The following EPHA5 variants were observed in gnomAD, a reference collection of about 807,000 sequenced individuals.
The protein encoded by EPHA5 is ephrin type-A receptor 5.
Under a neutral mutation model 105.0 loss-of-function variants are expected in EPHA5, and 60 were observed. The ratio of observed to expected loss-of-function variants is 0.57; its 90% CI spans 0.46 to 0.71. The LOEUF (loss-of-function observed/expected upper bound fraction) is 0.71. EPHA5 is among the 30% of genes least tolerant of loss of function. The pLI is 0.00. For missense variants in EPHA5, 1,218 were observed against 1,274.7 expected, an observed-to-expected ratio of 0.96 and a Z score of 0.68; for synonymous variants, 513 against 449.1, an observed-to-expected ratio of 1.14 and a Z score of -1.80.
chr4:65,506,381 G>A (rs2149251081), intron 3 of EPHA5, among the ~76,000 whole-genome samples: 1 of 146,368 alleles, frequency 6.8e-6, no homozygotes, highest in African/African-American at 2.5e-5. Context: ...GGGATGGCTG[G>A]GTCAAATGGT....
Position 65,365,137 on chromosome 4 carries a change from T to C in EPHA5, c.2053A>G (p.Ile685Val). ...LPGKRELPVAIKTLKVGYTEK... is the reference protein window; with the variant it reads ...LPGKRELPVAVKTLKVGYTEK... ...GTATAGCCTACTTTAAGGGTTTTGATAGCCACAGGTAATTCTCTTTTTCCT... is the reference window on the plus strand; with the variant it reads ...GTATAGCCTACTTTAAGGGTTTTGACAGCCACAGGTAATTCTCTTTTTCCT... Residue 685 changes from isoleucine to valine, a missense_variant, in exon 11 of 17, where the codon ATC becomes GTC. Physicochemically the swap from Ile to Val is conservative, Grantham distance 29. Around this residue, in one of 3 missense-constraint regions of EPHA5, gnomAD observed 971 missense variants for 1,013.5 expected, o/e 0.96. Coordinates refer to ENST00000613740, the MANE Select transcript of EPHA5 (RefSeq NM_001281766.3). 6.2e-7 allele frequency: 1 copy of C among 1,611,714 alleles called. No individual in the cohort carries two copies. The highest frequency in any genetic ancestry group is 8.5e-7 in the Non-Finnish European group (1 of 1,178,406).
chr4:65,464,817 G>GT (rs1173982619), intron 5 of EPHA5, among the ~76,000 whole-genome samples: 1 of 151,794 alleles, frequency 6.6e-6, no homozygotes, highest in Non-Finnish European at 1.5e-5. Flanking sequence ...AGATACTGAA[G>GT]TTTTTTCTCA....
rs79078030 is a variant in EPHA5 at position 65,489,760 on chromosome 4, T to A, written c.1402+617A>T. ...GCTCAGACACGACTGTATTCCCTAC[T>A]CCCTAATAATTACTTATTAATTCCA... On this transcript the variant is annotated intron_variant, in intron 5 of 16. Transcript: ENST00000613740. Among the ~76,000 whole-genome samples the A allele has an allele frequency of 2.0e-3, 305 of 152,312 alleles. 9 individuals carry two copies. In the East Asian group the frequency reaches 0.052, roughly 26 times the overall value.
intron 3 of EPHA5, among the ~76,000 whole-genome samples, chr4:65,500,314 A>AC (rs1363327335): frequency 2.6e-5 from 4 of 151,314 alleles, no homozygotes; most frequent in African/African-American, 9.7e-5. Flanking sequence ...GTTTCATGAG[A>AC]CTATTGTGAC....
In EPHA5 at chr4:65,424,039, T is replaced by G. The variant is rs113649311; in HGVS notation, c.1403-3474A>C. Among the ~76,000 whole-genome samples the G allele has an allele frequency of 1.4e-3, 212 of 152,126 alleles. 1 individual carries two copies. The highest frequency in any genetic ancestry group is 4.8e-3 in the African/African-American group (200 of 41,558). On this transcript the variant is annotated intron_variant, in intron 5 of 16. Coordinates refer to ENST00000613740, the MANE Select transcript of EPHA5 (RefSeq NM_001281766.3). ...ATAATTCTAGCTTTCACACCTTACT[T>G]ATCTGTAACCTCCCACTCTAATGGT...
In EPHA5 at chr4:65,336,091, G is replaced by C. The variant is rs1440672901; in HGVS notation, c.2630C>G (p.Pro877Arg). 3 of 1,611,976 alleles carry C rather than the reference G, an allele frequency of 1.9e-6. No homozygotes were observed. Among genetic ancestry groups the C allele is most frequent in the Non-Finnish European group, 2.5e-6 (3 of 1,178,930 alleles). The change falls in exon 15 of 17, where the codon CCA (proline) becomes CGA (arginine). Residue 877 changes from proline to arginine, a missense_variant. Physicochemically the swap from Pro to Arg is moderately radical, Grantham distance 103. Transcript: ENST00000613740. ...IKAVEEGYRL[P>R]SPMDCPAALY... is the part of the protein sequence containing the mutation. ...AGCAGCAGGACAATCCATGGGGCTT[G>C]GCAGACGATAGCCTTCCTCTACCGC...
At chr4:65,444,283 T>G (rs923014025) in intron 5 of EPHA5, among the ~76,000 whole-genome samples, 1 of 152,192 alleles carries the variant, frequency 6.6e-6, no homozygotes, top group Non-Finnish European at 1.5e-5. Context: ...CTTAAGTTGT[T>G]ATAAAGATTA....
At chr4:65,491,233 C>G (rs1048531105) in intron 4 of EPHA5, among the ~76,000 whole-genome samples, 1 of 149,740 alleles carries the variant, frequency 6.7e-6, no homozygotes, top group East Asian at 1.9e-4. Flanking sequence ...TATCTAGTTG[C>G]TAAATCACCA....
At chr4:65,547,487 T>G (rs574037694) in intron 3 of EPHA5, among the ~76,000 whole-genome samples, 1 of 152,008 alleles carries the variant, frequency 6.6e-6, no homozygotes, top group East Asian at 1.9e-4. Flanking sequence ...ATCCATGCAT[T>G]TTTATTTTTT....
chr4:65,448,258 C>T (rs1244340577), intron 5 of EPHA5, among the ~76,000 whole-genome samples: 3 of 147,284 alleles, frequency 2.0e-5, no homozygotes, highest in South Asian at 2.1e-4. Flanking sequence ...ATAGTCAAAA[C>T]AAGTAAAAAA....
At chr4:65,393,706 G>A (rs1720943477) in intron 8 of EPHA5, among the ~76,000 whole-genome samples, 1 of 152,118 alleles carries the variant, frequency 6.6e-6, no homozygotes, top group South Asian at 2.1e-4. Context: ...TAGACTTAAT[G>A]TTTTAATATC....
intron 13 of EPHA5, among the ~76,000 whole-genome samples, chr4:65,348,970 C>G (rs1287605713): frequency 2.0e-5 from 3 of 150,890 alleles, no homozygotes; most frequent in East Asian, 3.9e-4. Context: ...TGTGCGCTAT[C>G]ATGCCTGGCT....
chr4:65,326,403 AT>A (rs993696559), intron 16 of EPHA5, among the ~76,000 whole-genome samples: 1 of 151,296 alleles, frequency 6.6e-6, no homozygotes, highest in African/African-American at 2.4e-5. Flanking sequence ...TAAAATGAGA[AT>A]CCTGTAAATG....
intron 3 of EPHA5, among the ~76,000 whole-genome samples, chr4:65,548,523 T>C (rs570017965): frequency 6.6e-6 from 1 of 152,148 alleles, no homozygotes; most frequent in South Asian, 2.1e-4. Flanking sequence ...AATAAAGTAA[T>C]GGCTGAGAAA....
chr4:65,472,182 C>A (rs945309275), intron 5 of EPHA5, among the ~76,000 whole-genome samples: 32 of 152,260 alleles, frequency 2.1e-4, no homozygotes, highest in African/African-American at 4.3e-4. Context: ...TCCAGCAGGG[C>A]AGTCATCAAA....
rs1277529756 is a variant in EPHA5, at chr4:65,601,865, T to G, written c.686A>C (p.Tyr229Ser). Residue 229 changes from tyrosine to serine, a missense_variant, in exon 3 of 17, where the codon TAC (tyrosine) becomes TCC (serine). By Grantham distance (144) the Tyr-to-Ser change is moderately radical (BLOSUM62 -2). This residue lies in a region of EPHA5 where 971 missense variants were observed against 1,013.5 expected (regional missense o/e 0.96). Coordinates refer to ENST00000613740, the MANE Select transcript of EPHA5 (RefSeq NM_001281766.3). ...TACCACAGAAGGGCATTTTTTATAG[T>G]ATACACGCACAGAAACCAGAGCAAT... ...ACIALVSVRV[Y>S]YKKCPSVVRH... 1 of 1,614,116 alleles carries G rather than the reference T, an allele frequency of 6.2e-7. No individual in the cohort carries two copies. The highest frequency in any genetic ancestry group is 8.5e-7 in the Non-Finnish European group (1 of 1,180,018).
chr4:65,459,275 G>A (rs1415882653), intron 5 of EPHA5, among the ~76,000 whole-genome samples: 1 of 151,826 alleles, frequency 6.6e-6, no homozygotes, highest in Non-Finnish European at 1.5e-5. Flanking sequence ...TCTGGAACTG[G>A]CAAATTATTG....
At chr4:65,579,452 A>C (rs946720121) in intron 3 of EPHA5, among the ~76,000 whole-genome samples, 1 of 150,310 alleles carries the variant, frequency 6.7e-6, no homozygotes, top group East Asian at 1.9e-4. Flanking sequence ...ATTAAATAAA[A>C]TTTTAATGTG....
At chr4:65,526,747 C>T (rs1348422297) in intron 3 of EPHA5, among the ~76,000 whole-genome samples, 1 of 151,854 alleles carries the variant, frequency 6.6e-6, no homozygotes, top group Admixed American at 6.6e-5. Flanking sequence ...GATTATATCA[C>T]TCATATAACA....
Sources: gnomAD v4.1 joint callset for allele counts (sites outside exome capture counted in the v4.1 genomes callset) on GRCh38, gnomAD v4.1.1 for gene constraint, gnomAD v4.1.1 regional missense constraint, MANE v1.5 for transcripts, NCBI Gene and HGNC (gene_info 2026-07-23, HGNC 2026-07-21) for gene names.